The following TLN2 variants were observed in gnomAD, a reference collection of about 807,000 sequenced individuals.
TLN2 encodes the protein talin-2.
In TLN2, 118 loss-of-function variants were observed where a neutral mutation model predicts 294.7. The ratio of observed to expected loss-of-function variants is 0.40; its 90% CI spans 0.34 to 0.47. The LOEUF is 0.47. Ranked by LOEUF, TLN2 falls within the 20% of genes least tolerant of loss-of-function variation. The pLI, the probability that TLN2 is intolerant of heterozygous loss-of-function variation, is 0.84. For synonymous variants in TLN2, 1,431 were observed against 1,304.5 expected (o/e 1.10, Z -2.09); for missense variants, 3,083 against 3,282.2 (o/e 0.94, Z 1.48).
intron 1 of TLN2, among the ~76,000 whole-genome samples, chr15:62,455,942 A>G (rs924628315): frequency 1.3e-5 from 2 of 152,126 alleles, no homozygotes; most frequent in Non-Finnish European, 2.9e-5. Context: ...GCTTTTGCAG[A>G]CCAGTGCAGC....
intron 2 of TLN2, among the ~76,000 whole-genome samples, chr15:62,608,065 G>A (rs1439051155): frequency 1.3e-5 from 2 of 152,188 alleles, no homozygotes; most frequent in Non-Finnish European, 2.9e-5. Flanking sequence ...ATTTGAGTTT[G>A]TGAAATATTA....
At chr15:62,691,210 C>T (rs1203549903) in intron 12 of TLN2, among the ~76,000 whole-genome samples, 2 of 152,178 alleles carry the variant, frequency 1.3e-5, no homozygotes, top group Non-Finnish European at 2.9e-5. Context: ...CTGTCCTCTC[C>T]TGTTACTCTG....
intron 47 of TLN2, 84 bp from the exon 48 acceptor site, chr15:62,797,135 T>C: frequency 6.9e-7 from 1 of 1,459,372 alleles, no homozygotes; most frequent in Non-Finnish European, 9.5e-7. Flanking sequence ...AAAAGCCCCA[T>C]GTGAGGGATT....
At chr15:62,823,523 A>G (rs929859400) in intron 54 of TLN2, among the ~76,000 whole-genome samples, 3 of 152,166 alleles carry the variant, frequency 2.0e-5, no homozygotes, top group African/African-American at 4.8e-5. Context: ...TCAGTATAAA[A>G]TGGATGTGTG....
intron 22 of TLN2, among the ~76,000 whole-genome samples, chr15:62,715,603 T>G (rs944967966): frequency 6.6e-6 from 1 of 152,194 alleles, no homozygotes; most frequent in African/African-American, 2.4e-5. Flanking sequence ...CATGTTCAAC[T>G]AAAAGCAACA....
intron 1 of TLN2, among the ~76,000 whole-genome samples, chr15:62,521,988 C>T (rs1336612603): frequency 2.6e-5 from 4 of 152,076 alleles, no homozygotes; most frequent in Admixed American, 1.3e-4. Context: ...TAATACTGGT[C>T]GTTTTGCCTA....
At chr15:62,543,428 A>G (rs894419400) in intron 1 of TLN2, among the ~76,000 whole-genome samples, 2 of 152,164 alleles carry the variant, frequency 1.3e-5, no homozygotes, top group African/African-American at 4.8e-5. Flanking sequence ...TGACTAGTAG[A>G]AGAGACAGGA....
chr15:62,794,386 T>A (rs1307422993), intron 46 of TLN2, among the ~76,000 whole-genome samples: 2 of 152,150 alleles, frequency 1.3e-5, no homozygotes, highest in African/African-American at 4.8e-5. Context: ...TGCCTTTGTG[T>A]CCTCAGACCC....
At chr15:62,449,658 C>G (rs905794536) in intron 1 of TLN2, among the ~76,000 whole-genome samples, 1 of 151,922 alleles carries the variant, frequency 6.6e-6, no homozygotes, top group African/African-American at 2.4e-5. Context: ...GCCTGTAGTC[C>G]CAGCGACTTG....
At chr15:62,509,535 A>G (rs1235753857) in intron 1 of TLN2, among the ~76,000 whole-genome samples, 1 of 152,142 alleles carries the variant, frequency 6.6e-6, no homozygotes, top group Non-Finnish European at 1.5e-5. Flanking sequence ...TTGAGATTGA[A>G]CTTCTGACAC....
intron 1 of TLN2, among the ~76,000 whole-genome samples, chr15:62,432,068 C>T (rs1007046383): frequency 3.3e-5 from 5 of 152,156 alleles, no homozygotes; most frequent in African/African-American, 1.2e-4. Context: ...CAGGCCTCGT[C>T]CTGGTGTAAT....
intron 54 of TLN2, chr15:62,829,100 T>A (rs1364207029): frequency 2.7e-5 from 4 of 150,344 alleles, no homozygotes; most frequent in Non-Finnish European, 4.4e-5. Context: ...TATTTATTTA[T>A]TTTTCTTTAA....
At position 62,464,311 on chromosome 15, in the gene TLN2, A is replaced by C. The variant is rs2036983202; in HGVS notation, c.-238+73626A>C. 3.9e-5 allele frequency among the ~76,000 whole-genome samples: 6 copies of C among 152,218 alleles called. No homozygotes were observed. In the South Asian group the frequency reaches 1.0e-3, roughly 26 times the overall value. ...AGCTGGAAACCATCATTCTCAGCAA[A>C]CTATCGCAAGGACAGAAAACCAAAC... On this transcript the variant is annotated intron_variant, in intron 1 of 58. Transcript: ENST00000636159.
At chr15:62,643,507 G>T (rs1295121339) in intron 3 of TLN2, among the ~76,000 whole-genome samples, 1 of 148,208 alleles carries the variant, frequency 6.7e-6, no homozygotes, top group Non-Finnish European at 1.5e-5. Context: ...AAAAGTTGAG[G>T]CCACAAGTCT....
intron 1 of TLN2, among the ~76,000 whole-genome samples, chr15:62,555,352 T>TGAA (rs367641732): frequency 5.4e-4 from 83 of 152,348 alleles, no homozygotes; most frequent in African/African-American, 1.9e-3. Context: ...TTTTTTTGTC[T>TGAA]GAAGATTTTT....
Position 62,840,469 on chromosome 15 carries a change from G to A in TLN2, c.7501-13G>A, listed in dbSNP as rs1026038449. 5 of 1,613,810 alleles carry A rather than the reference G, an allele frequency of 3.1e-6. No individual in the cohort carries two copies. In the African/African-American group the frequency reaches 6.7e-5, roughly 22 times the overall value. On this transcript the variant is annotated splice_polypyrimidine_tract_variant and intron_variant, in intron 58 of 58. Transcript: ENST00000636159. ...AAGTGTTAGGTCCATCCAGCTTGTT[G>A]CTTTCTTTCTAGATCATCGCCGCCC... is the stretch of plus-strand genomic sequence containing the variant.
At position 62,700,714 on chromosome 15, in the gene TLN2, A is replaced by T. The variant is rs149193582; in HGVS notation, c.1588-392A>T. On this transcript the variant is annotated intron_variant, in intron 16 of 58. Coordinates refer to ENST00000636159, the MANE Select transcript of TLN2 (RefSeq NM_015059.3). The stretch of plus-strand genomic sequence containing the variant: ...TGAAACACCCTCTTTCTCACCCTGC[A>T]CCCTGCAAAGCAAGGTGAAAATTAG... Among the ~76,000 whole-genome samples the T allele has an allele frequency of 2.0e-5, 3 of 152,322 alleles. 1 individual carries two copies. The highest frequency in any genetic ancestry group is 7.2e-5 in the African/African-American group (3 of 41,572).
chr15:62,711,124 T>C (rs1052406522), intron 21 of TLN2, among the ~76,000 whole-genome samples: 1 of 152,172 alleles, frequency 6.6e-6, no homozygotes, highest in South Asian at 2.1e-4. Flanking sequence ...TCCCCCTTTT[T>C]GTTATAGTGC....
Position 62,542,286 on chromosome 15 carries a change from G to A in TLN2, c.-237-47401G>A, listed in dbSNP as rs143777225. Among the ~76,000 whole-genome samples, 512 of 152,200 alleles carry A rather than the reference G, an allele frequency of 3.4e-3. 5 individuals are homozygous for A. Among genetic ancestry groups the A allele is most frequent in the African/African-American group, 0.011 (450 of 41,516 alleles). ...GGCTCACTGCAAGCTGCACCTCCCG[G>A]GTTCACGCCATTCTCCTGCCTCAGC... On this transcript the variant is annotated intron_variant, in intron 1 of 58. Coordinates refer to ENST00000636159, the MANE Select transcript of TLN2 (RefSeq NM_015059.3).
Sources: gnomAD v4.1 joint callset for allele counts (sites outside exome capture counted in the v4.1 genomes callset) on GRCh38, gnomAD v4.1.1 for gene constraint, MANE v1.5 for transcripts, NCBI Gene and HGNC (gene_info 2026-07-23, HGNC 2026-07-21) for gene names.